The following USP9X variants were observed in gnomAD, a reference collection of about 807,000 sequenced individuals.
The protein encoded by USP9X is ubiquitin carboxyl-terminal hydrolase 9X.
In USP9X, 7 loss-of-function variants were observed where a neutral mutation model predicts 190.3. The observed-to-expected ratio is 0.04, with a 90% CI of 0.02 to 0.07. The LOEUF (loss-of-function observed/expected upper bound fraction) is 0.07. USP9X is among the 10% of genes least tolerant of loss of function. The pLI is 1.00. For synonymous variants in USP9X, 645 were observed against 659.5 expected (o/e 0.98, Z 0.34); for missense variants, 1,010 against 1,916.9 (o/e 0.53, Z 8.83).
chrX:41,192,699 G>A (rs1474183944), intron 26 of USP9X, among the ~76,000 whole-genome samples: 1 of 111,693 alleles, frequency 9.0e-6, no homozygotes, highest in Admixed American at 9.5e-5. Context: ...TCATGTATAT[G>A]TTTGGTAAAT....
intron 30 of USP9X, among the ~76,000 whole-genome samples, 184 bp downstream of exon 30, chrX:41,198,934 C>A (rs1482007352): frequency 2.7e-5 from 3 of 112,077 alleles, no homozygotes; most frequent in African/African-American, 9.7e-5. Context: ...GGCCTGTAAT[C>A]CCAGCACTTT....
chrX:41,215,708 A>G (rs1024511370), intron 34 of USP9X, among the ~76,000 whole-genome samples, 191 bp from the exon 35 acceptor site: 3 of 112,369 alleles, frequency 2.7e-5, no homozygotes, highest in Non-Finnish European at 5.6e-5. Flanking sequence ...ACAATTTACC[A>G]TTTGCATATT....
intron 1 of USP9X, among the ~76,000 whole-genome samples, chrX:41,117,562 C>CTT (rs1253031849): frequency 3.0e-5 from 3 of 100,448 alleles, no homozygotes; most frequent in African/African-American, 7.4e-5. Context: ...CCATTCTAAC[C>CTT]TTTTTTTTTT....
chrX:41,217,796 G>A (rs1233308268), intron 36 of USP9X, among the ~76,000 whole-genome samples: 1 of 111,489 alleles, frequency 9.0e-6, no homozygotes, highest in Non-Finnish European at 1.9e-5. Context: ...AGGCTGAGGT[G>A]GGAGGATCGC....
intron 1 of USP9X, among the ~76,000 whole-genome samples, chrX:41,115,384 A>G (rs960582613): frequency 6.3e-5 from 7 of 111,982 alleles, no homozygotes; most frequent in Non-Finnish European, 1.3e-4. Flanking sequence ...GGTTAAACAT[A>G]GAAATTTGAA....
chrX:41,098,289 C>T lies in USP9X; in HGVS notation c.-159+12180C>T, dbSNP rs371809647. ...CCGAGTAGCTGGAATTACAGGCACA[C>T]ACCACCACACCTGGCTAATTTTGTA... is the stretch of plus-strand genomic sequence containing the variant. On this transcript the variant is annotated intron_variant, in intron 1 of 44. Coordinates refer to ENST00000378308, the MANE Select transcript of USP9X (RefSeq NM_001039591.3). Among the ~76,000 whole-genome samples, 6 of 108,744 alleles carry T rather than the reference C, an allele frequency of 5.5e-5. No homozygotes were observed. The East Asian group carries it at 1.5e-3, about 27-fold the overall frequency. The allele number at this position is 108,744 out of a possible 115,157, so 94.4% of individuals were successfully genotyped here. A position where few individuals can be genotyped will look rare whatever the true frequency, so the allele number is the denominator to read the frequency against.
At chrX:41,132,538 A>G (rs1454871010) in intron 4 of USP9X, among the ~76,000 whole-genome samples, 1 of 110,699 alleles carries the variant, frequency 9.0e-6, no homozygotes, top group Non-Finnish European at 1.9e-5. Flanking sequence ...TCCTGACCTC[A>G]GGTGATCCAC....
intron 44 of USP9X, among the ~76,000 whole-genome samples, chrX:41,231,584 G>A (rs2063359703): frequency 1.8e-5 from 2 of 109,672 alleles, no homozygotes; most frequent in African/African-American, 6.6e-5. Context: ...AAAATTAGCC[G>A]GGTATGGTGG....
intron 1 of USP9X, among the ~76,000 whole-genome samples, chrX:41,116,556 T>C (rs1000804577): frequency 8.9e-6 from 1 of 112,400 alleles, no homozygotes; most frequent in Admixed American, 9.4e-5. Context: ...AGTAGTGGTG[T>C]TATTCTTGGA....
At position 41,147,948 on chromosome X, in the gene USP9X, C is replaced by T. The variant is rs563149080; in HGVS notation, c.1420-421C>T. 2.6e-4 allele frequency among the ~76,000 whole-genome samples: 29 copies of T among 110,964 alleles called. No individual in the cohort carries two copies. The South Asian group carries it at 0.011, about 42-fold the overall frequency. On this transcript the variant is annotated intron_variant, in intron 11 of 44. Coordinates refer to ENST00000378308, the MANE Select transcript of USP9X (RefSeq NM_001039591.3). ...ACAAGAGGCATGGTGCCAGCTTAAC[C>T]GTGAGTTTTGGGGGGGACATTCGAA... is the stretch of plus-strand genomic sequence containing the variant.
chrX:41,195,382 T>G (rs2062974533), intron 26 of USP9X, among the ~76,000 whole-genome samples: 1 of 111,253 alleles, frequency 9.0e-6, no homozygotes, highest in Non-Finnish European at 1.9e-5. Flanking sequence ...AAAGAGTTTA[T>G]TAACACATTG....
intron 1 of USP9X, among the ~76,000 whole-genome samples, chrX:41,091,054 A>C (rs1044501506): frequency 1.8e-5 from 2 of 111,663 alleles, no homozygotes; most frequent in African/African-American, 6.5e-5. Context: ...GTTGTCTAGA[A>C]GCTAACATAT....
chrX:41,187,866 G>T, intron 24 of USP9X, 126 bp from the exon 25 acceptor site: 1 of 679,223 alleles, frequency 1.5e-6, no homozygotes, highest in East Asian at 3.9e-5. Context: ...AGGCAACTTG[G>T]GAATTTAAAA....
chrX:41,196,526 G>C, intron 27 of USP9X, 66 bp from the exon 28 acceptor site: 1 of 1,159,432 alleles, frequency 8.6e-7, no homozygotes, highest in Non-Finnish European at 1.2e-6. Context: ...AGTTAACTCT[G>C]GGTTTTTAAA....
At chrX:41,215,798 T>G (rs2063206562) in intron 34 of USP9X, 101 bp from the exon 35 acceptor site, 1 of 853,687 alleles carries the variant, frequency 1.2e-6, no homozygotes, top group Non-Finnish European at 1.6e-6. Context: ...ACTTAAAAAT[T>G]CAGATAAGTC....
In USP9X at chrX:41,167,066, A is replaced by T. The variant is rs912718432; in HGVS notation, c.2329-416A>T. 3 of 133,765 alleles carry T rather than the reference A, an allele frequency of 2.2e-5. No individual in the cohort carries two copies. In the East Asian group the frequency reaches 7.8e-4, roughly 35 times the overall value. The allele number at this position is 133,765 out of a possible 1,213,427, so 11.0% of individuals were successfully genotyped here. ...TCTGAACATAGTTTGGAAACCACTA[A>T]TGTAATTAGATGAGTGATAAAGATT... is the stretch of plus-strand genomic sequence containing the variant. On this transcript the variant is annotated intron_variant, in intron 16 of 44. Transcript: ENST00000378308.
At chrX:41,182,376 GA>G (rs200428732) in intron 21 of USP9X, among the ~76,000 whole-genome samples, 3 of 105,297 alleles carry the variant, frequency 2.8e-5, no homozygotes, top group South Asian at 4.1e-4. Flanking sequence ...TCTCAAAGAA[GA>G]AAAAAAAATA....
At chrX:41,173,593 A>C (rs1360407072) in intron 21 of USP9X, among the ~76,000 whole-genome samples, 3 of 111,782 alleles carry the variant, frequency 2.7e-5, no homozygotes, top group African/African-American at 9.8e-5. Context: ...TAAGCCATCT[A>C]TACCAGGAAA....
chrX:41,197,472 C>T lies in USP9X; in HGVS notation c.4342C>T (p.His1448Tyr), dbSNP rs752945789. ...CTTTCAAACTTCTGAGAAAAAATTT[C>T]ATATTGGTTGTGAAAAAGGAGGTGC... ...LAFQTSEKKF[H>Y]IGCEKGGANL... is the part of the protein sequence containing the mutation. Residue 1448 changes from histidine to tyrosine, a missense_variant, in exon 29 of 45, where the codon CAT (histidine) becomes TAT (tyrosine). Physicochemically the swap from His to Tyr is moderately conservative, Grantham distance 83. This residue lies in a region of USP9X where 351 missense variants were observed against 480.8 expected (regional missense o/e 0.73). Coordinates refer to ENST00000378308, the MANE Select transcript of USP9X (RefSeq NM_001039591.3). The T allele has an allele frequency of 2.5e-6, 3 of 1,209,026 alleles. No homozygotes were observed. In the South Asian group the frequency reaches 5.3e-5, roughly 21 times the overall value.
Sources: allele counts gnomAD v4.1 joint callset (sites outside exome capture counted in the v4.1 genomes callset), GRCh38; gene constraint gnomAD v4.1.1; regional missense constraint gnomAD v4.1.1; transcripts MANE v1.5; gene names NCBI Gene and HGNC (gene_info 2026-07-23, HGNC 2026-07-21).